Variants in ERO1B observed in about 807,000 individuals in gnomAD.
ERO1B encodes endoplasmic reticulum oxidoreductase 1 beta, also known as ERO1-like protein beta.
In ERO1B, 49 loss-of-function variants were observed where a neutral mutation model predicts 75.3. The observed-to-expected ratio is 0.65, with a 90% CI of 0.52 to 0.83. ERO1B has a LOEUF of 0.83. ERO1B is among the 40% of genes least tolerant of loss of function. The probability of loss-of-function intolerance (pLI) is 0.00; values close to 1 mark genes in which losing one functional copy is unlikely to be tolerated. For missense variants in ERO1B, 512 were observed against 560.1 expected (o/e 0.91, Z 0.87); for synonymous variants, 191 against 192.9 (o/e 0.99, Z 0.08).
At chr1:236,248,279 CATT>C (rs1211966453) in intron 5 of ERO1B, among the ~76,000 whole-genome samples, 1 of 152,184 alleles carries the variant, frequency 6.6e-6, no homozygotes, top group Non-Finnish European at 1.5e-5. Flanking sequence ...ACTCAACAAA[CATT>C]ATCAACTTTT....
At chr1:236,273,464 G>C (rs530780050) in intron 1 of ERO1B, among the ~76,000 whole-genome samples, 2 of 152,214 alleles carry the variant, frequency 1.3e-5, no homozygotes, top group South Asian at 2.1e-4. Flanking sequence ...TTTCAGATTT[G>C]GCTAAAGAAC....
At chr1:236,263,406 GC>G (rs1449873633) in intron 2 of ERO1B, among the ~76,000 whole-genome samples, 1 of 151,768 alleles carries the variant, frequency 6.6e-6, no homozygotes, top group Non-Finnish European at 1.5e-5. Flanking sequence ...ACTCCACCAC[GC>G]CTGGCTAATT....
At chr1:236,243,346 A>G in intron 6 of ERO1B, 76 bp downstream of exon 6, 2 of 1,047,414 alleles carry the variant, frequency 1.9e-6, no homozygotes, top group Non-Finnish European at 2.8e-6. Context: ...AATTCAGTTT[A>G]TATTTTCATT....
At chr1:236,235,760 G>A in intron 8 of ERO1B, 29 bp downstream of exon 8, 2 of 1,576,530 alleles carry the variant, frequency 1.3e-6, no homozygotes, top group Non-Finnish European at 1.7e-6. Flanking sequence ...ACAATGAAAA[G>A]CATGAAAATG....
chr1:236,281,126 A>G (rs1265584535), intron 1 of ERO1B, among the ~76,000 whole-genome samples: 2 of 152,228 alleles, frequency 1.3e-5, no homozygotes, highest in Non-Finnish European at 2.9e-5. Flanking sequence ...GTAAAAATAA[A>G]GCAATCTTGA....
chr1:236,236,418 T>TA lies in ERO1B; in HGVS notation c.506-21dup. The TA allele has an allele frequency of 6.2e-7, 1 of 1,612,182 alleles. No individual in the cohort carries two copies. The highest frequency in any genetic ancestry group is 8.5e-7 in the Non-Finnish European group (1 of 1,179,438). ...TCTCATCTGAACAAGAAAAAATTCA[T>TA]AAAAACCATCCATATTTCACCATTT... On this transcript the variant is annotated intron_variant, in intron 6 of 15. Coordinates refer to ENST00000354619, the MANE Select transcript of ERO1B (RefSeq NM_019891.4).
At position 236,243,429 on chromosome 1, in the gene ERO1B, T is replaced by C; in HGVS notation, c.498A>G (p.Glu166=). The C allele has an allele frequency of 6.3e-7, 1 of 1,596,728 alleles. No individual in the cohort carries two copies. ...AATAGTTTATTGTATTACCATCAAG[T>C]TCACAAAAGTGATCCCGTGAATCAT... ...RYDDSRDHFC[E]LDDERSPAAQ... is the part of the protein sequence containing the mutation. The change falls in exon 6 of 16, where the codon GAA becomes GAG. Residue 166 remains glutamate, a synonymous_variant. Coordinates refer to ENST00000354619, the MANE Select transcript of ERO1B (RefSeq NM_019891.4).
intron 4 of ERO1B, 93 bp downstream of exon 4, chr1:236,251,957 A>T (rs886491108): frequency 8.6e-6 from 8 of 934,340 alleles, no homozygotes; most frequent in Non-Finnish European, 1.3e-5. Context: ...CCAACTAACC[A>T]TAATATGGTT....
intron 6 of ERO1B, among the ~76,000 whole-genome samples, chr1:236,238,430 T>C (rs1416175538): frequency 6.6e-6 from 1 of 151,744 alleles, no homozygotes; most frequent in Non-Finnish European, 1.5e-5. Context: ...CCCAGTTGCT[T>C]GGGAGGCTGA....
chr1:236,249,764 C>T, intron 5 of ERO1B, 121 bp downstream of exon 5: 1 of 674,456 alleles, frequency 1.5e-6, no homozygotes, highest in African/African-American at 1.9e-5. Flanking sequence ...ACTTTTTCTT[C>T]CTTTTAAAAA....
intron 2 of ERO1B, among the ~76,000 whole-genome samples, chr1:236,256,884 C>G (rs1300646566): frequency 6.7e-6 from 1 of 148,620 alleles, no homozygotes; most frequent in African/African-American, 2.5e-5. Context: ...TTTAAACTTG[C>G]AAATAAATAT....
chr1:236,248,465 C>CA lies in ERO1B; in HGVS notation c.431+1419dup, dbSNP rs554630300. Among the ~76,000 whole-genome samples, 3 of 152,186 alleles carry CA rather than the reference C, an allele frequency of 2.0e-5. No individual in the cohort carries two copies. In the South Asian group the frequency reaches 6.2e-4, roughly 32 times the overall value. On this transcript the variant is annotated intron_variant, in intron 5 of 15. Transcript: ENST00000354619. ...AAAAATTTGGGAATGCTCAAGGTGG[C>CA]ATGTTTGTAAAAGTAAATAATTGGA...
intron 1 of ERO1B, among the ~76,000 whole-genome samples, chr1:236,280,077 C>T (rs897824851): frequency 2.0e-5 from 3 of 152,078 alleles, no homozygotes; most frequent in Non-Finnish European, 2.9e-5. Flanking sequence ...TCGCTGGAGG[C>T]CAGGAGTTGA....
chr1:236,225,648 C>T (rs905547605), intron 12 of ERO1B, among the ~76,000 whole-genome samples: 4 of 152,186 alleles, frequency 2.6e-5, no homozygotes, highest in African/African-American at 9.7e-5. Flanking sequence ...AATATAGTGA[C>T]TAGAGGCCAG....
chr1:236,248,632 TAGC>T, intron 5 of ERO1B, among the ~76,000 whole-genome samples: 1 of 152,074 alleles, frequency 6.6e-6, no homozygotes, highest in Non-Finnish European at 1.5e-5. Context: ...ATGAAAAATG[TAGC>T]AGAATGTTAA....
rs1572022916 is a variant in ERO1B, at chr1:236,215,919, C to T, written c.*2597G>A. The T allele has an allele frequency of 7.3e-6, 1 of 137,856 alleles. No homozygotes were observed. Among genetic ancestry groups the T allele is most frequent in the South Asian group, 2.4e-4 (1 of 4,134 alleles). The allele number at this position is 137,856 out of a possible 1,614,324, so 8.5% of individuals were successfully genotyped here. A position where few individuals can be genotyped will look rare whatever the true frequency, so the allele number is the denominator to read the frequency against. The stretch of plus-strand genomic sequence containing the variant: ...GAAAAACATGGCAGAGTTTCATATA[C>T]ATACAGAGATTACAAATATCGAATA... On this transcript the variant is annotated 3_prime_UTR_variant, in exon 16 of 16. Transcript: ENST00000354619.
chr1:236,231,507 A>T (rs79842800), intron 9 of ERO1B, among the ~76,000 whole-genome samples: 2,375 of 151,808 alleles, frequency 0.016, 62 homozygotes, highest in African/African-American at 0.052. Flanking sequence ...CTTGAAAAAA[A>T]AAAAAAAAAA....
At chr1:236,252,679 G>A (rs905938949) in intron 3 of ERO1B, among the ~76,000 whole-genome samples, 1 of 152,126 alleles carries the variant, frequency 6.6e-6, no homozygotes, top group South Asian at 2.1e-4. Flanking sequence ...ATTACAACCA[G>A]TTTATCAAAC....
At chr1:236,265,070 G>A (rs1665404403) in intron 2 of ERO1B, among the ~76,000 whole-genome samples, 1 of 148,318 alleles carries the variant, frequency 6.7e-6, no homozygotes, top group African/African-American at 2.5e-5. Context: ...TTAAATCAGA[G>A]CCATCACACT....
Sources: gnomAD v4.1 joint callset for allele counts (sites outside exome capture counted in the v4.1 genomes callset) on GRCh38, gnomAD v4.1.1 for gene constraint, MANE v1.5 for transcripts, NCBI Gene and HGNC (gene_info 2026-07-23, HGNC 2026-07-21) for gene names.